PLD5: variants seen among roughly 807,000 people sequenced by gnomAD.
PLD5 encodes inactive phospholipase D5.
PLD5 carries 36 observed loss-of-function variants against 61.1 expected under a neutral mutation model. That is an observed-to-expected ratio of 0.59 (90% confidence interval 0.45 to 0.78). The LOEUF is 0.78. Among genes scored for constraint, PLD5 ranks in the 30% least tolerant of loss-of-function variants. PLD5 has a pLI of 0.00. For synonymous variants in PLD5, 243 were observed against 242.8 expected (o/e 1.00, Z -0.01); for missense variants, 515 against 644.4 (o/e 0.80, Z 2.17).
At chr1:242,222,009 A>G (rs1335863697) in intron 4 of PLD5, among the ~76,000 whole-genome samples, 3 of 152,134 alleles carry the variant, frequency 2.0e-5, no homozygotes, top group Non-Finnish European at 4.4e-5. Flanking sequence ...TTCCTCTGGG[A>G]CATGCAGGGA....
chr1:242,480,052 A>G (rs7542324), intron 1 of PLD5, among the ~76,000 whole-genome samples: 55,823 of 112,784 alleles, frequency 0.49, 10,802 homozygotes, highest in Admixed American at 0.56. Flanking sequence ...TCTGTCTCAG[A>G]AAAAAAAAAA....
At chr1:242,197,582 C>A (rs1438789431) in intron 5 of PLD5, among the ~76,000 whole-genome samples, 1 of 152,092 alleles carries the variant, frequency 6.6e-6, no homozygotes, top group African/African-American at 2.4e-5. Flanking sequence ...CAGATATCAC[C>A]TCCTCTAAGA....
At chr1:242,258,447 T>G (rs556482784) in intron 4 of PLD5, among the ~76,000 whole-genome samples, 20 of 152,236 alleles carry the variant, frequency 1.3e-4, no homozygotes, top group Non-Finnish European at 2.8e-4. Flanking sequence ...TTCTAGTTTA[T>G]TACTAAATAT....
At chr1:242,203,151 C>T (rs1669090018) in intron 5 of PLD5, among the ~76,000 whole-genome samples, 1 of 152,216 alleles carries the variant, frequency 6.6e-6, no homozygotes, top group East Asian at 1.9e-4. Context: ...TGCCTACCCG[C>T]CCCCGCCACC....
chr1:242,450,920 T>C (rs1457635020), intron 1 of PLD5, among the ~76,000 whole-genome samples: 1 of 152,158 alleles, frequency 6.6e-6, no homozygotes, highest in Non-Finnish European at 1.5e-5. Context: ...AGTAAGTGAA[T>C]ACTCTGAAAC....
At chr1:242,090,584 CAA>C (rs1406755226) in intron 9 of PLD5, among the ~76,000 whole-genome samples, 3 of 152,238 alleles carry the variant, frequency 2.0e-5, no homozygotes, top group Non-Finnish European at 4.4e-5. Context: ...CAGTTCCTAA[CAA>C]ACACTCGATT....
intron 3 of PLD5, among the ~76,000 whole-genome samples, chr1:242,265,935 T>C (rs1673644256): frequency 6.6e-6 from 1 of 152,254 alleles, no homozygotes; most frequent in African/African-American, 2.4e-5. Context: ...AAGTTAATAG[T>C]AAGCATTCTT....
intron 1 of PLD5, among the ~76,000 whole-genome samples, chr1:242,410,220 T>G (rs545490496): frequency 6.6e-6 from 1 of 152,088 alleles, no homozygotes; most frequent in Non-Finnish European, 1.5e-5. Context: ...CTCGGAAGAA[T>G]AGCATGTCCA....
At chr1:242,198,655 T>A (rs1227611264) in intron 5 of PLD5, among the ~76,000 whole-genome samples, 1 of 134,300 alleles carries the variant, frequency 7.4e-6, no homozygotes, top group Non-Finnish European at 1.5e-5. Flanking sequence ...TAAACTGAGA[T>A]GTGCTGTGGG....
At chr1:242,418,817 T>C (rs73133729) in intron 1 of PLD5, among the ~76,000 whole-genome samples, 5,695 of 152,310 alleles carry the variant, frequency 0.037, 381 homozygotes, top group African/African-American at 0.13. Flanking sequence ...TCTGAAATTA[T>C]GGACACGTGT....
At chr1:242,210,632 T>G (rs1454923369) in intron 5 of PLD5, 1 of 152,560 alleles carries the variant, frequency 6.6e-6, no homozygotes, top group Non-Finnish European at 1.5e-5. Flanking sequence ...CCTGGCTCAT[T>G]CTGGCTCAAA....
rs376318094 is a variant in PLD5 at position 242,267,677 on chromosome 1, C to T, written c.496-2229G>A. On this transcript the variant is annotated intron_variant, in intron 3 of 9. Transcript: ENST00000536534. ...GAAGAATCACTTGACCCCAGGAGTT[C>T]GAGACCAGCCTGGGCAATATCAGGA... Among the ~76,000 whole-genome samples the T allele has an allele frequency of 4.7e-5, 7 of 149,596 alleles. No individual in the cohort carries two copies. In the South Asian group the frequency reaches 8.5e-4, roughly 18 times the overall value.
chr1:242,275,948 G>A (rs1355721321), intron 3 of PLD5, among the ~76,000 whole-genome samples: 3 of 152,156 alleles, frequency 2.0e-5, no homozygotes, highest in African/African-American at 7.2e-5. Context: ...AAAAGAACTC[G>A]GACTGCAAAT....
chr1:242,245,950 T>C (rs1672329586), intron 4 of PLD5, among the ~76,000 whole-genome samples: 1 of 152,174 alleles, frequency 6.6e-6, no homozygotes. Context: ...CAAGTTTCTT[T>C]GAAAAATGTT....
intron 1 of PLD5, among the ~76,000 whole-genome samples, chr1:242,421,281 A>G (rs1202297080): frequency 6.6e-6 from 1 of 152,072 alleles, no homozygotes; most frequent in Non-Finnish European, 1.5e-5. Context: ...ATTCATGCCT[A>G]AGCATTTTCT....
At chr1:242,126,134 T>G (rs755453343) in intron 5 of PLD5, among the ~76,000 whole-genome samples, 7 of 151,986 alleles carry the variant, frequency 4.6e-5, no homozygotes, top group Non-Finnish European at 8.8e-5. Flanking sequence ...AGGTGAAAGA[T>G]CTCTACAAAA....
intron 2 of PLD5, among the ~76,000 whole-genome samples, chr1:242,328,395 CAT>C (rs1169553368): frequency 3.3e-5 from 5 of 151,866 alleles, no homozygotes; most frequent in South Asian, 2.1e-4. Context: ...ACGTGTTCTA[CAT>C]AGTTGTGTGT....
chr1:242,493,918 G>T (rs560323531), intron 1 of PLD5, among the ~76,000 whole-genome samples: 1 of 152,194 alleles, frequency 6.6e-6, no homozygotes, highest in Non-Finnish European at 1.5e-5. Context: ...AAGCTCTGTC[G>T]AAAAGGAATT....
intron 3 of PLD5, among the ~76,000 whole-genome samples, chr1:242,287,156 T>G (rs181053588): frequency 5.9e-5 from 9 of 152,204 alleles, no homozygotes; most frequent in African/African-American, 2.2e-4. Context: ...TGACAGAACA[T>G]GCAGAGAGAC....
Sources: gnomAD v4.1 joint callset for allele counts (sites outside exome capture counted in the v4.1 genomes callset) on GRCh38, gnomAD v4.1.1 for gene constraint, MANE v1.5 for transcripts, NCBI Gene and HGNC (gene_info 2026-07-23, HGNC 2026-07-21) for gene names.